BRINP3: variants seen among roughly 807,000 people sequenced by gnomAD.
The protein encoded by BRINP3 is BMP/retinoic acid-inducible neural-specific protein 3.
A neutral mutation model predicts 71.0 loss-of-function variants in BRINP3; 19 were observed. The observed-to-expected ratio is 0.27, with a 90% CI of 0.19 to 0.39. The LOEUF (loss-of-function observed/expected upper bound fraction) is 0.39, where lower values mean the gene tolerates loss of function less well. BRINP3 is among the 10% of genes least tolerant of loss of function. BRINP3 has a pLI of 1.00. For missense variants in BRINP3, 959 were observed against 940.8 expected, an observed-to-expected ratio of 1.02 and a Z score of -0.25; for synonymous variants, 380 against 337.7, an observed-to-expected ratio of 1.13 and a Z score of -1.37.
chr1:190,418,487 G>A (rs1283177182), intron 2 of BRINP3, among the ~76,000 whole-genome samples: 2 of 151,922 alleles, frequency 1.3e-5, no homozygotes, highest in East Asian at 3.9e-4. Context: ...CTTCATTCTT[G>A]GTAAATGTTT....
intron 6 of BRINP3, among the ~76,000 whole-genome samples, chr1:190,185,128 T>C (rs1653397994): frequency 1.3e-5 from 2 of 152,018 alleles, no homozygotes; most frequent in Admixed American, 1.3e-4. Context: ...ATTAAACAGC[T>C]TTTGCACAGC....
At chr1:190,160,625 T>G in intron 7 of BRINP3, 43 bp downstream of exon 7, 1 of 1,547,664 alleles carries the variant, frequency 6.5e-7, no homozygotes. Context: ...ACTCACTTTT[T>G]CGGCAATAAA....
At chr1:190,317,158 C>G (rs941532193) in intron 2 of BRINP3, among the ~76,000 whole-genome samples, 1 of 114,130 alleles carries the variant, frequency 8.8e-6, no homozygotes. Context: ...GGTGGCTGAG[C>G]GAGAGTCCAT....
At chr1:190,222,975 G>T (rs1421771575) in intron 6 of BRINP3, among the ~76,000 whole-genome samples, 1 of 150,848 alleles carries the variant, frequency 6.6e-6, no homozygotes, top group Admixed American at 6.6e-5. Context: ...GAACAATGAA[G>T]AAATAAAAAA....
At chr1:190,189,182 A>G (rs905890744) in intron 6 of BRINP3, among the ~76,000 whole-genome samples, 6 of 152,118 alleles carry the variant, frequency 3.9e-5, no homozygotes, top group Non-Finnish European at 7.4e-5. Flanking sequence ...ATTATTCTCT[A>G]TTCTTTAATT....
chr1:190,226,424 A>T lies in BRINP3; in HGVS notation c.725-106T>A, dbSNP rs1657385524. ...AACAGTAAATAATTTAGTGTATTAA[A>T]TTTTGAATTATGTATTTTTAAACTA... is the stretch of plus-strand genomic sequence containing the variant. On this transcript the variant is annotated intron_variant, in intron 5 of 7. Coordinates refer to ENST00000367462, the MANE Select transcript of BRINP3 (RefSeq NM_199051.3). 8 of 588,836 alleles carry T rather than the reference A, an allele frequency of 1.4e-5. No homozygotes were observed. In the South Asian group the frequency reaches 2.7e-4, roughly 20 times the overall value. 36.5% of individuals were successfully genotyped at this position (588,836 alleles called of 1,614,324 possible).
At chr1:190,199,304 C>A (rs1654777759) in intron 6 of BRINP3, among the ~76,000 whole-genome samples, 1 of 152,052 alleles carries the variant, frequency 6.6e-6, no homozygotes, top group East Asian at 1.9e-4. Context: ...AAACACATAT[C>A]TCTTTGCCCT....
chr1:190,177,615 G>A (rs1652662204), intron 6 of BRINP3, among the ~76,000 whole-genome samples: 2 of 152,160 alleles, frequency 1.3e-5, no homozygotes, highest in South Asian at 4.1e-4. Flanking sequence ...GAAAGAGCAT[G>A]TATTGTTAGC....
At chr1:190,210,150 AAGAGTTTGTGTTT>A (rs1443570146) in intron 6 of BRINP3, among the ~76,000 whole-genome samples, 1 of 152,122 alleles carries the variant, frequency 6.6e-6, no homozygotes, top group Non-Finnish European at 1.5e-5. Flanking sequence ...CATGGCTTCT[AAGAGTTTGTGTTT>A]GATGTGAATA....
chr1:190,206,086 ATTG>A (rs1365540194), intron 6 of BRINP3, among the ~76,000 whole-genome samples: 1 of 152,074 alleles, frequency 6.6e-6, no homozygotes, highest in Non-Finnish European at 1.5e-5. Flanking sequence ...CAAACTATCC[ATTG>A]TTTAAAAGAC....
chr1:190,330,638 C>T (rs968854457), intron 2 of BRINP3, among the ~76,000 whole-genome samples: 7 of 151,914 alleles, frequency 4.6e-5, no homozygotes, highest in Admixed American at 3.3e-4. Context: ...GGGTATATAT[C>T]CAAAAGAAAA....
chr1:190,430,525 G>A (rs1006865186), intron 2 of BRINP3, among the ~76,000 whole-genome samples: 12 of 152,076 alleles, frequency 7.9e-5, no homozygotes. Flanking sequence ...TAAGCCAGAT[G>A]GTAAAGTTCA....
At chr1:190,390,657 C>T (rs561985618) in intron 2 of BRINP3, among the ~76,000 whole-genome samples, 1 of 151,900 alleles carries the variant, frequency 6.6e-6, no homozygotes, top group East Asian at 1.9e-4. Context: ...AAGGGCTCAC[C>T]TTCTGGCCCT....
At chr1:190,252,550 T>G (rs1660245191) in intron 4 of BRINP3, among the ~76,000 whole-genome samples, 1 of 152,076 alleles carries the variant, frequency 6.6e-6, no homozygotes, top group African/African-American at 2.4e-5. Context: ...TTGTTACCAC[T>G]TAACTAATTT....
At chr1:190,104,501 CT>C (rs201710514) in intron 7 of BRINP3, among the ~76,000 whole-genome samples, 16 of 151,420 alleles carry the variant, frequency 1.1e-4, no homozygotes, top group South Asian at 4.2e-4. Flanking sequence ...ATTATAGCCA[CT>C]TTTTTTTTCT....
intron 1 of BRINP3, among the ~76,000 whole-genome samples, chr1:190,471,200 TA>T (rs1400762549): frequency 2.0e-5 from 3 of 151,094 alleles, no homozygotes; most frequent in Non-Finnish European, 4.5e-5. Context: ...TTGATGCTAT[TA>T]AAAAATAAAA....
intron 6 of BRINP3, among the ~76,000 whole-genome samples, chr1:190,199,564 A>G (rs1654802127): frequency 6.6e-6 from 1 of 152,072 alleles, no homozygotes; most frequent in Non-Finnish European, 1.5e-5. Context: ...TTTTTCTGTA[A>G]TATTTGGAAA....
chr1:190,312,282 A>C (rs2103028161), intron 2 of BRINP3, among the ~76,000 whole-genome samples: 1 of 151,286 alleles, frequency 6.6e-6, no homozygotes, highest in African/African-American at 2.4e-5. Context: ...ATTTAGAAAT[A>C]TTGTTACAGA....
chr1:190,196,666 T>C (rs1654507706), intron 6 of BRINP3, among the ~76,000 whole-genome samples: 1 of 152,086 alleles, frequency 6.6e-6, no homozygotes, highest in South Asian at 2.1e-4. Flanking sequence ...AGGTTTTTTT[T>C]TGTTTGTTTC....
Sources: allele counts gnomAD v4.1 joint callset (sites outside exome capture counted in the v4.1 genomes callset), GRCh38; gene constraint gnomAD v4.1.1; transcripts MANE v1.5; gene names NCBI Gene and HGNC (gene_info 2026-07-23, HGNC 2026-07-21).